PDE1C: variants seen among roughly 807,000 people sequenced by gnomAD.
PDE1C encodes the protein phosphodiesterase 1C.
In PDE1C, 62 loss-of-function variants were observed where a neutral mutation model predicts 93.1. That is an observed-to-expected ratio of 0.67 (90% confidence interval 0.54 to 0.82). The LOEUF is 0.82. Among genes scored for constraint, PDE1C ranks in the 40% least tolerant of loss-of-function variants. PDE1C has a pLI of 0.00. For synonymous variants in PDE1C, 325 were observed against 310.1 expected, an observed-to-expected ratio of 1.05 and a Z score of -0.50; for missense variants, 742 against 884.6, an observed-to-expected ratio of 0.84 and a Z score of 2.04.
chr7:32,360,445 C>T (rs942327762), intron 1 of PDE1C, among the ~76,000 whole-genome samples: 1 of 149,676 alleles, frequency 6.7e-6, no homozygotes, highest in Non-Finnish European at 1.5e-5. Flanking sequence ...AGGTCTTTCT[C>T]ATTTTGTGAA....
chr7:31,684,826 G>A, the PDE1C span, among the ~76,000 whole-genome samples: 2 of 152,222 alleles, frequency 1.3e-5, no homozygotes, highest in African/African-American at 4.8e-5. Context: ...TGGTGGGAAT[G>A]GGAAATGCTA....
intron 2 of PDE1C, among the ~76,000 whole-genome samples, chr7:32,191,685 T>C (rs1261848914): frequency 6.6e-6 from 1 of 152,230 alleles, no homozygotes; most frequent in Non-Finnish European, 1.5e-5. Context: ...TAAGCATTCA[T>C]GTAGGTTTTT....
intron 3 of PDE1C, among the ~76,000 whole-genome samples, chr7:32,149,150 TAAAGCTGAGAAAGGA>T (rs753496143): frequency 1.3e-5 from 2 of 152,072 alleles, no homozygotes; most frequent in Admixed American, 6.6e-5. Context: ...GAATGCTGAG[TAAAGCTGAGAAAGGA>T]AAAGCTGAGA....
intron 1 of PDE1C, among the ~76,000 whole-genome samples, chr7:32,370,141 T>G (rs1784303826): frequency 6.6e-6 from 1 of 152,126 alleles, no homozygotes; most frequent in African/African-American, 2.4e-5. Context: ...CATGGAATAC[T>G]ATGCAGCCAT....
At chr7:31,837,992 G>T in intron 9 of PDE1C, 21 bp from the exon 10 acceptor site, 2 of 1,497,958 alleles carry the variant, frequency 1.3e-6, no homozygotes, top group Non-Finnish European at 1.9e-6. Flanking sequence ...CAACCATGGA[G>T]AAAAAAGGAT....
chr7:31,940,317 C>G (rs886245900), intron 2 of PDE1C, among the ~76,000 whole-genome samples: 3 of 152,140 alleles, frequency 2.0e-5, no homozygotes, highest in African/African-American at 7.2e-5. Context: ...CTCAGGTGCT[C>G]AGGCTTAGCT....
At chr7:32,355,631 T>C in intron 1 of PDE1C, among the ~76,000 whole-genome samples, 1 of 152,202 alleles carries the variant, frequency 6.6e-6, no homozygotes, top group Non-Finnish European at 1.5e-5. Context: ...CTCCTCTAAG[T>C]TCCCTTAGCA....
chr7:31,876,912 T>A (rs1267329060), intron 5 of PDE1C, among the ~76,000 whole-genome samples: 3 of 152,140 alleles, frequency 2.0e-5, no homozygotes, highest in African/African-American at 7.2e-5. Flanking sequence ...CTAGTAAATG[T>A]CTCTGAGACA....
the PDE1C span, chr7:31,652,964 G>A: frequency 1.4e-6 from 2 of 1,462,096 alleles, no homozygotes; most frequent in Non-Finnish European, 1.8e-6. Flanking sequence ...CTACCCTTTG[G>A]TTAAACCCAA....
intron 7 of PDE1C, among the ~76,000 whole-genome samples, chr7:31,853,701 CGTTTTGTTTTT>C (rs750763737): frequency 2.8e-4 from 42 of 151,244 alleles, no homozygotes; most frequent in Admixed American, 2.6e-4. Context: ...TTTTTGTTTT[CGTTTTGTTTTT>C]GTTTTTGTTT....
chr7:31,789,617 AAAAC>A (rs1784363002), intron 16 of PDE1C: 1 of 935,732 alleles, frequency 1.1e-6, no homozygotes, highest in African/African-American at 1.8e-5. Context: ...TCTTTTTTAG[AAAAC>A]AAACAGAATT....
intron 1 of PDE1C, among the ~76,000 whole-genome samples, chr7:32,240,834 G>C (rs1054135819): frequency 1.3e-5 from 2 of 152,172 alleles, no homozygotes; most frequent in African/African-American, 4.8e-5. Flanking sequence ...CCACTTGGGA[G>C]GCTAATACAA....
chr7:32,115,630 A>G (rs1460853701), intron 3 of PDE1C, among the ~76,000 whole-genome samples: 1 of 152,198 alleles, frequency 6.6e-6, no homozygotes, highest in Non-Finnish European at 1.5e-5. Flanking sequence ...AACTTAAAGT[A>G]CAATAAAAAA....
chr7:31,873,580 C>T (rs1260090205), intron 5 of PDE1C, among the ~76,000 whole-genome samples, 172 bp from the exon 6 acceptor site: 2 of 152,230 alleles, frequency 1.3e-5, no homozygotes, highest in East Asian at 3.9e-4. Context: ...TACATAGTAT[C>T]TACTGTTAAA....
intron 2 of PDE1C, among the ~76,000 whole-genome samples, chr7:32,037,316 T>A (rs1791238116): frequency 6.6e-6 from 1 of 152,070 alleles, no homozygotes; most frequent in African/African-American, 2.4e-5. Context: ...CTTGCAGCCC[T>A]TAGGGGAGTG....
At chr7:31,749,441 T>C (rs568622087), downstream of PDE1C, among the ~76,000 whole-genome samples, 4 of 152,242 alleles carry the variant, frequency 2.6e-5, no homozygotes, top group African/African-American at 9.6e-5. Flanking sequence ...TTTGTGCTTA[T>C]AGGAGTGTGA....
the PDE1C span, among the ~76,000 whole-genome samples, chr7:31,646,987 A>G: frequency 6.6e-6 from 1 of 152,254 alleles, no homozygotes; most frequent in Non-Finnish European, 1.5e-5. Context: ...TTAACATCCA[A>G]AGAAATAGAA....
chr7:32,168,366 A>G (rs1429712687), intron 3 of PDE1C, among the ~76,000 whole-genome samples: 1 of 152,222 alleles, frequency 6.6e-6, no homozygotes, highest in Admixed American at 6.5e-5. Context: ...CAAACAAAAC[A>G]GATGATGGTA....
chr7:32,045,641 A>G (rs1312725698), intron 2 of PDE1C, among the ~76,000 whole-genome samples: 1 of 152,202 alleles, frequency 6.6e-6, no homozygotes, highest in East Asian at 1.9e-4. Flanking sequence ...CCAACAAGTT[A>G]CTTAGCTGCC....
Sources: allele counts gnomAD v4.1 joint callset (sites outside exome capture counted in the v4.1 genomes callset), GRCh38; gene constraint gnomAD v4.1.1; transcripts MANE v1.5; gene names NCBI Gene and HGNC (gene_info 2026-07-23, HGNC 2026-07-21).